The following UEVLD variants were observed in gnomAD, a reference collection of about 807,000 sequenced individuals.
The protein encoded by UEVLD is ubiquitin-conjugating enzyme E2 variant 3.
In UEVLD, 47 loss-of-function variants were observed where a neutral mutation model predicts 58.6. The ratio of observed to expected loss-of-function variants is 0.80; its 90% CI spans 0.63 to 1.02. UEVLD has a LOEUF of 1.02. UEVLD is among the 50% of genes least tolerant of loss of function. The probability of loss-of-function intolerance (pLI) is 0.00; values close to 1 mark genes in which losing one functional copy is unlikely to be tolerated. For synonymous variants in UEVLD, 197 were observed against 195.3 expected (o/e 1.01, Z -0.07); for missense variants, 510 against 550.6 (o/e 0.93, Z 0.74).
chr11:18,562,865 AG>A (rs982224687), intron 6 of UEVLD, among the ~76,000 whole-genome samples: 4 of 151,822 alleles, frequency 2.6e-5, no homozygotes, highest in African/African-American at 9.7e-5. Flanking sequence ...TAGGCAACAC[AG>A]GGAGACCTAT....
chr11:18,541,813 T>C (rs1429063727), intron 9 of UEVLD, among the ~76,000 whole-genome samples: 1 of 152,044 alleles, frequency 6.6e-6, no homozygotes, highest in Non-Finnish European at 1.5e-5. Context: ...GTAAACAAAG[T>C]GAGTAAATGT....
chr11:18,571,588 G>T lies in UEVLD; in HGVS notation c.194-1211C>A, dbSNP rs78891468. Reference sequence around the variant, plus strand: ...CCTTGACTCCTACCCTGCACATCTAGCTTTTAGTAATTCAGCACTGAAGAG... The same window carrying T: ...CCTTGACTCCTACCCTGCACATCTATCTTTTAGTAATTCAGCACTGAAGAG... On this transcript the variant is annotated intron_variant, in intron 3 of 11. Transcript: ENST00000396197. 3.5e-4 allele frequency among the ~76,000 whole-genome samples: 53 copies of T among 152,234 alleles called. 2 individuals are homozygous for T. In the East Asian group the frequency reaches 9.5e-3, roughly 27 times the overall value.
chr11:18,545,920 A>C (rs1590322241), intron 8 of UEVLD, among the ~76,000 whole-genome samples: 1 of 152,230 alleles, frequency 6.6e-6, no homozygotes, highest in Non-Finnish European at 1.5e-5. Context: ...TAAAATACTG[A>C]TTCATATGCC....
rs1379007129 is a variant in UEVLD, at chr11:18,531,423, A to G, written c.*897T>C. On this transcript the variant is annotated 3_prime_UTR_variant, in exon 12 of 12. Coordinates refer to ENST00000396197, the MANE Select transcript of UEVLD (RefSeq NM_001040697.4). Reference sequence around the variant, plus strand: ...AAAATATTGCTCTTGATCCATCACCAAAGTGTGTGTACTCTGAACTGTATC... The same window carrying G: ...AAAATATTGCTCTTGATCCATCACCGAAGTGTGTGTACTCTGAACTGTATC... 1 of 152,234 alleles carries G rather than the reference A, an allele frequency of 6.6e-6. No homozygotes were observed. Among genetic ancestry groups the G allele is most frequent in the Non-Finnish European group, 1.5e-5 (1 of 68,040 alleles). The allele number at this position is 152,234 out of a possible 1,614,324, so 9.4% of individuals were successfully genotyped here.
At position 18,531,473 on chromosome 11, in the gene UEVLD, T is replaced by C. The variant is rs957880820; in HGVS notation, c.*847A>G. ...CATCAGGAGAGGTTAAAGGATTTGC[T>C]CAGAACAAATAAAAAACCTCTCCCT... On this transcript the variant is annotated 3_prime_UTR_variant, in exon 12 of 12. Transcript: ENST00000396197. 1 of 152,182 alleles carries C rather than the reference T, an allele frequency of 6.6e-6. No homozygotes were observed. Among genetic ancestry groups the C allele is most frequent in the Admixed American group, 6.5e-5 (1 of 15,276 alleles). The allele number at this position is 152,182 out of a possible 1,614,324, so 9.4% of individuals were successfully genotyped here. A position where few individuals can be genotyped will look rare whatever the true frequency, so the allele number is the denominator to read the frequency against.
intron 9 of UEVLD, among the ~76,000 whole-genome samples, chr11:18,537,574 A>C (rs1019917933): frequency 6.6e-6 from 1 of 151,424 alleles, no homozygotes; most frequent in Non-Finnish European, 1.5e-5. Flanking sequence ...CAGGTGATTC[A>C]CCCACCTTGG....
At chr11:18,572,262 T>A (rs1852664815) in intron 3 of UEVLD, among the ~76,000 whole-genome samples, 1 of 152,042 alleles carries the variant, frequency 6.6e-6, no homozygotes, top group African/African-American at 2.4e-5. Flanking sequence ...AAAAAAAGAT[T>A]ACATACATCT....
intron 8 of UEVLD, among the ~76,000 whole-genome samples, chr11:18,546,274 T>C (rs1329458326): frequency 2.0e-5 from 3 of 152,180 alleles, no homozygotes; most frequent in African/African-American, 7.2e-5. Context: ...CATTTTTCTC[T>C]TGGGAGTTTA....
At chr11:18,543,132 C>A (rs1276338086) in intron 9 of UEVLD, among the ~76,000 whole-genome samples, 2 of 152,060 alleles carry the variant, frequency 1.3e-5, no homozygotes, top group African/African-American at 2.4e-5. Context: ...AGCTTGTGAT[C>A]CATCCACCTT....
intron 11 of UEVLD, among the ~76,000 whole-genome samples, chr11:18,533,450 T>G (rs971442873): frequency 1.3e-5 from 2 of 150,144 alleles, no homozygotes; most frequent in Admixed American, 1.3e-4. Context: ...AAATCTGGGG[T>G]GACTTGGCTG....
chr11:18,561,814 A>G (rs1478770458), intron 6 of UEVLD, among the ~76,000 whole-genome samples: 1 of 146,914 alleles, frequency 6.8e-6, no homozygotes, highest in Admixed American at 6.9e-5. Flanking sequence ...CCTGGGGAAC[A>G]GGGCGAGACT....
intron 1 of UEVLD, among the ~76,000 whole-genome samples, chr11:18,584,923 G>A (rs1321989428): frequency 6.6e-6 from 1 of 152,050 alleles, no homozygotes; most frequent in Non-Finnish European, 1.5e-5. Flanking sequence ...GTGCCACCAT[G>A]CCTGGCCTAT....
chr11:18,574,163 A>T (rs1268285907), intron 3 of UEVLD, among the ~76,000 whole-genome samples: 1 of 152,236 alleles, frequency 6.6e-6, no homozygotes, highest in Admixed American at 6.6e-5. Context: ...TTTTATTGAG[A>T]CTGAGTCTCA....
At position 18,574,220 on chromosome 11, in the gene UEVLD, C is replaced by A. The variant is rs143046062; in HGVS notation, c.193+1127G>T. Among the ~76,000 whole-genome samples the A allele has an allele frequency of 5.7e-4, 87 of 152,352 alleles. No individual in the cohort carries two copies. In the East Asian group the frequency reaches 0.012, roughly 21 times the overall value. ...GCAGTGGCACAATCTCGGCTCACTGCAACCTCTGTCTCCTGAGTTCAAGAG... is the reference window on the plus strand; with the variant it reads ...GCAGTGGCACAATCTCGGCTCACTGAAACCTCTGTCTCCTGAGTTCAAGAG... On this transcript the variant is annotated intron_variant, in intron 3 of 11. Transcript: ENST00000396197.
At chr11:18,553,131 G>A (rs1333035084) in intron 7 of UEVLD, among the ~76,000 whole-genome samples, 10 of 141,472 alleles carry the variant, frequency 7.1e-5, no homozygotes, top group Admixed American at 5.9e-4. Context: ...CTCCAGCCTG[G>A]GTGACAGAGT....
intron 9 of UEVLD, among the ~76,000 whole-genome samples, chr11:18,540,648 CATT>C (rs1245215882): frequency 1.3e-5 from 2 of 152,160 alleles, no homozygotes; most frequent in Non-Finnish European, 2.9e-5. Context: ...TTAACACTGG[CATT>C]ATGTGTGTCA....
chr11:18,575,207 T>C (rs1852837573), intron 3 of UEVLD, 140 bp downstream of exon 3: 2 of 831,456 alleles, frequency 2.4e-6, no homozygotes, highest in Non-Finnish European at 1.9e-6. Flanking sequence ...CTTCCTTGAC[T>C]GGAACAGATC....
intron 7 of UEVLD, among the ~76,000 whole-genome samples, chr11:18,551,746 T>C (rs1851539455): frequency 6.6e-6 from 1 of 152,152 alleles, no homozygotes; most frequent in Non-Finnish European, 1.5e-5. Flanking sequence ...CCCATTTCTA[T>C]AGGTAGCCCA....
intron 7 of UEVLD, among the ~76,000 whole-genome samples, chr11:18,556,446 G>A (rs1851760781): frequency 6.6e-6 from 1 of 152,152 alleles, no homozygotes; most frequent in Non-Finnish European, 1.5e-5. Context: ...ACAACTGATA[G>A]GTATAATTTC....
Sources: gnomAD v4.1 joint callset for allele counts (sites outside exome capture counted in the v4.1 genomes callset) on GRCh38, gnomAD v4.1.1 for gene constraint, MANE v1.5 for transcripts, NCBI Gene and HGNC (gene_info 2026-07-23, HGNC 2026-07-21) for gene names.